PPIP5K2: variants seen among roughly 807,000 people sequenced by gnomAD.
PPIP5K2 encodes diphosphoinositol pentakisphosphate kinase 2.
Under a neutral mutation model 154.6 loss-of-function variants are expected in PPIP5K2, and 105 were observed. That is an observed-to-expected ratio of 0.68 (90% CI 0.58 to 0.80). PPIP5K2 has a LOEUF of 0.80. Ranked by LOEUF, PPIP5K2 falls within the 30% of genes least tolerant of loss-of-function variation. PPIP5K2 has a pLI of 0.00. For synonymous variants in PPIP5K2, 480 were observed against 490.3 expected (o/e 0.98, Z 0.28); for missense variants, 992 against 1,504.6 (o/e 0.66, Z 5.64).
intron 30 of PPIP5K2, 23 bp from the exon 31 acceptor site, chr5:103,201,499 T>TTTTTG: frequency 2.2e-6 from 3 of 1,383,034 alleles, no homozygotes; most frequent in Non-Finnish European, 3.0e-6. Context: ...ATAGTTTTTT[T>TTTTTG]TTTTTGTTTT....
intron 21 of PPIP5K2, among the ~76,000 whole-genome samples, chr5:103,174,531 G>C (rs1798420445): frequency 6.6e-6 from 1 of 152,064 alleles, no homozygotes; most frequent in Non-Finnish European, 1.5e-5. Context: ...CTTCATGTTG[G>C]CTGTCAGCTG....
chr5:103,134,314 A>G (rs1217266536), intron 3 of PPIP5K2, among the ~76,000 whole-genome samples: 2 of 152,162 alleles, frequency 1.3e-5, no homozygotes, highest in African/African-American at 4.8e-5. Flanking sequence ...CTGAGGGTAC[A>G]TCTGAAAATT....
chr5:103,190,820 T>G, intron 28 of PPIP5K2, 22 bp from the exon 29 acceptor site: 1 of 1,553,386 alleles, frequency 6.4e-7, no homozygotes, highest in Non-Finnish European at 8.7e-7. Flanking sequence ...TATTTTTTGT[T>G]TTTGGTTTTT....
At chr5:103,156,546 C>T (rs1554213552) in intron 14 of PPIP5K2, among the ~76,000 whole-genome samples, 1 of 152,128 alleles carries the variant, frequency 6.6e-6, no homozygotes, top group Non-Finnish European at 1.5e-5. Flanking sequence ...TAGAGAAATG[C>T]AGATGACCAA....
At chr5:103,160,285 T>C (rs1554215217) in intron 17 of PPIP5K2, among the ~76,000 whole-genome samples, 2 of 152,190 alleles carry the variant, frequency 1.3e-5, no homozygotes, top group African/African-American at 2.4e-5. Flanking sequence ...GTATACCTAG[T>C]ATTGGGATTG....
At position 103,208,009 on chromosome 5, in the gene PPIP5K2, T is replaced by G. The variant is rs533294536; in HGVS notation, c.*6375T>G. On this transcript the variant is annotated 3_prime_UTR_variant, in exon 31 of 31. Transcript: ENST00000358359. Reference sequence around the variant, plus strand: ...TCTGGCTCATCTATTTGATACAATTTCTTTTTTGTTTGTTTTTGTTTTGTT... The same window carrying G: ...TCTGGCTCATCTATTTGATACAATTGCTTTTTTGTTTGTTTTTGTTTTGTT... The G allele has an allele frequency of 3.9e-4, 58 of 146,888 alleles. No homozygotes were observed. Among genetic ancestry groups the G allele is most frequent in the African/African-American group, 1.4e-3 (56 of 41,338 alleles). The allele number at this position is 146,888 out of a possible 1,614,324, so 9.1% of individuals were successfully genotyped here. A position where few individuals can be genotyped will look rare whatever the true frequency, so the allele number is the denominator to read the frequency against.
intron 5 of PPIP5K2, among the ~76,000 whole-genome samples, chr5:103,143,737 C>G (rs190908982): frequency 9.2e-5 from 14 of 152,008 alleles, no homozygotes; most frequent in Non-Finnish European, 1.8e-4. Flanking sequence ...ATTAAACATC[C>G]CTTCATGATA....
rs1478463225 is a variant in PPIP5K2 at position 103,208,813 on chromosome 5, G to A, written c.*7179G>A. 2.6e-5 allele frequency: 4 copies of A among 152,052 alleles called. No homozygotes were observed. Among genetic ancestry groups the A allele is most frequent in the African/African-American group, 7.2e-5 (3 of 41,396 alleles). The allele number at this position is 152,052 out of a possible 1,614,324, so 9.4% of individuals were successfully genotyped here. A position where few individuals can be genotyped will look rare whatever the true frequency, so the allele number is the denominator to read the frequency against. The stretch of plus-strand genomic sequence containing the variant: ...TATCTGACCTTTACTGCACCTGGCA[G>A]CTCTATCTCCTATTTTGGGGTTGAG... On this transcript the variant is annotated 3_prime_UTR_variant, in exon 31 of 31. Coordinates refer to ENST00000358359, the MANE Select transcript of PPIP5K2 (RefSeq NM_001276277.3).
At chr5:103,129,763 A>G (rs1023383046) in intron 2 of PPIP5K2, 60 bp downstream of exon 2, 1 of 1,450,052 alleles carries the variant, frequency 6.9e-7, no homozygotes. Flanking sequence ...CTTTTTACTA[A>G]TCACTGTTAG....
At position 103,144,652 on chromosome 5, in the gene PPIP5K2, C is replaced by A. The variant is rs543831810; in HGVS notation, c.488-1875C>A. Among the ~76,000 whole-genome samples the A allele has an allele frequency of 3.3e-5, 5 of 152,102 alleles. No homozygotes were observed. The South Asian group carries it at 1.0e-3, about 32-fold the overall frequency. The stretch of plus-strand genomic sequence containing the variant: ...GTTAACTCATTTTCGACAAAGTTGA[C>A]CAGAATGTCCACTGGGGATAGGACA... On this transcript the variant is annotated intron_variant, in intron 5 of 30. Transcript: ENST00000358359.
intron 1 of PPIP5K2, among the ~76,000 whole-genome samples, chr5:103,123,953 T>C (rs1789197982): frequency 6.6e-6 from 1 of 152,150 alleles, no homozygotes; most frequent in Non-Finnish European, 1.5e-5. Context: ...ATACAAACCA[T>C]TTTGAATGTC....
At chr5:103,191,193 A>AAAAAAAC in intron 29 of PPIP5K2, 1 of 391,522 alleles carries the variant, frequency 2.6e-6, no homozygotes, top group Non-Finnish European at 4.4e-6. Flanking sequence ...TTCTTACCAA[A>AAAAAAAC]AAAAAACAAA....
At chr5:103,141,798 C>T (rs1377560435) in intron 5 of PPIP5K2, among the ~76,000 whole-genome samples, 7 of 150,968 alleles carry the variant, frequency 4.6e-5, no homozygotes, top group African/African-American at 1.5e-4. Flanking sequence ...AATCCCTGAG[C>T]TAGAAATAAA....
chr5:103,136,604 C>A (rs1791546321), intron 3 of PPIP5K2, 128 bp from the exon 4 acceptor site: 4 of 691,916 alleles, frequency 5.8e-6, no homozygotes, highest in South Asian at 1.8e-5. Flanking sequence ...TATTCCATAC[C>A]TTTTATAGAA....
intron 5 of PPIP5K2, among the ~76,000 whole-genome samples, chr5:103,142,182 G>T (rs1792848408): frequency 6.6e-6 from 1 of 152,246 alleles, no homozygotes; most frequent in African/African-American, 2.4e-5. Context: ...CTGCCCTGCG[G>T]GAAGGCAGCT....
At chr5:103,150,606 A>G (rs1583304493) in intron 8 of PPIP5K2, among the ~76,000 whole-genome samples, 1 of 152,010 alleles carries the variant, frequency 6.6e-6, no homozygotes, top group Non-Finnish European at 1.5e-5. Flanking sequence ...AACCCTGTCT[A>G]TACTAAAAAT....
rs563072358 is a variant in PPIP5K2 at position 103,202,671 on chromosome 5, G to C, written c.*1037G>C. On this transcript the variant is annotated 3_prime_UTR_variant, in exon 31 of 31. Coordinates refer to ENST00000358359, the MANE Select transcript of PPIP5K2 (RefSeq NM_001276277.3). ...GAAGGGATATTGAAATCATTGCGCT[G>C]TGATTTCATCTGTGATGTGAAAAAT... is the stretch of plus-strand genomic sequence containing the variant. 6 of 152,104 alleles carry C rather than the reference G, an allele frequency of 3.9e-5. No homozygotes were observed. Among genetic ancestry groups the C allele is most frequent in the Non-Finnish European group, 8.8e-5 (6 of 68,000 alleles). 9.4% of individuals were successfully genotyped at this position (152,104 alleles called of 1,614,324 possible).
At chr5:103,191,920 T>C (rs1348964872) in intron 29 of PPIP5K2, among the ~76,000 whole-genome samples, 1 of 152,128 alleles carries the variant, frequency 6.6e-6, no homozygotes, top group Admixed American at 6.6e-5. Flanking sequence ...TTCTGAGTGC[T>C]GTAAATAAAT....
At chr5:103,191,020 T>C in intron 29 of PPIP5K2, 38 bp downstream of exon 29, 1 of 1,579,078 alleles carries the variant, frequency 6.3e-7, no homozygotes, top group Non-Finnish European at 8.6e-7. Context: ...ATTTAGTTGC[T>C]GGGCAACTAC....
Sources: allele counts gnomAD v4.1 joint callset (sites outside exome capture counted in the v4.1 genomes callset), GRCh38; gene constraint gnomAD v4.1.1; transcripts MANE v1.5; gene names NCBI Gene and HGNC (gene_info 2026-07-23, HGNC 2026-07-21).